MOCOS: variants seen among roughly 807,000 people sequenced by gnomAD.
The protein encoded by MOCOS is human molybdenum cofactor sulfurase.
Under a neutral mutation model 83.6 loss-of-function variants are expected in MOCOS, and 86 were observed. The observed-to-expected ratio is 1.03, with a 90% CI of 0.86 to 1.23. MOCOS has a LOEUF of 1.23. Ranked by LOEUF, MOCOS falls within the 50% of genes most tolerant of loss-of-function variation. The pLI is 0.00. For synonymous variants in MOCOS, 445 were observed against 434.7 expected, an observed-to-expected ratio of 1.02 and a Z score of -0.29; for missense variants, 1,120 against 1,126.9, an observed-to-expected ratio of 0.99 and a Z score of 0.09.
Position 36,271,392 on chromosome 18 carries a change from A to AT in MOCOS, c.*2713dup, listed in dbSNP as rs1188600643. On this transcript the variant is annotated 3_prime_UTR_variant, in exon 15 of 15. Coordinates refer to ENST00000261326, the MANE Select transcript of MOCOS (RefSeq NM_017947.4). ...TTAATTTAAAATGAATTTTAAATGC[A>AT]TTTTTTCTTTAGTGTCTACCTTCAA... The AT allele has an allele frequency of 6.6e-6, 1 of 151,996 alleles. No individual in the cohort carries two copies. Among genetic ancestry groups the AT allele is most frequent in the African/African-American group, 2.4e-5 (1 of 41,384 alleles). The allele number at this position is 151,996 out of a possible 1,614,324, so 9.4% of individuals were successfully genotyped here. A position where few individuals can be genotyped will look rare whatever the true frequency, so the allele number is the denominator to read the frequency against.
chr18:36,195,149 C>T, intron 1 of MOCOS, 108 bp from the exon 2 acceptor site: 6 of 906,246 alleles, frequency 6.6e-6, no homozygotes, highest in South Asian at 1.3e-5. Flanking sequence ...TCAAGAGGCA[C>T]AAGTCAGTGG....
In MOCOS at chr18:36,215,642, A is replaced by G. The variant is rs1228997842; in HGVS notation, c.1462A>G (p.Thr488Ala). The G allele has an allele frequency of 6.2e-7, 1 of 1,613,844 alleles. No individual in the cohort carries two copies. The highest frequency in any genetic ancestry group is 1.3e-5 in the African/African-American group (1 of 74,858). The change falls in exon 8 of 15, where the codon ACT (threonine) becomes GCT (alanine). Residue 488 changes from threonine to alanine, a missense_variant. Thr to Ala is a moderately conservative substitution (Grantham distance 58). Coordinates refer to ENST00000261326, the MANE Select transcript of MOCOS (RefSeq NM_017947.4). ...VQAFLRFIIDTRLHSSGDWPV... is the reference protein window; with the variant it reads ...VQAFLRFIIDARLHSSGDWPV... ...GGCCTTTCTTAGGTTCATCATAGACACTCGCCTGCACTCATCAGGGGACTG... is the reference window on the plus strand; with the variant it reads ...GGCCTTTCTTAGGTTCATCATAGACGCTCGCCTGCACTCATCAGGGGACTG...
intron 11 of MOCOS, among the ~76,000 whole-genome samples, chr18:36,252,984 G>T (rs1164207363): frequency 6.6e-6 from 1 of 152,192 alleles, no homozygotes; most frequent in Non-Finnish European, 1.5e-5. Flanking sequence ...GGTGGTTGGG[G>T]TATGGATAAG....
chr18:36,218,339 T>C (rs1469615473), intron 8 of MOCOS, among the ~76,000 whole-genome samples: 1 of 152,046 alleles, frequency 6.6e-6, no homozygotes, highest in African/African-American at 2.4e-5. Context: ...TTTATGGCTT[T>C]TTTTTTTTCT....
At position 36,271,813 on chromosome 18, in the gene MOCOS, TC is replaced by T. The variant is rs2091700073; in HGVS notation, c.*3132del. ...TTCTCCCCATTGAGAGTCAGCCTCA[TC>T]CCCTCCTCAGCCTTGTGGATGGAGA... On this transcript the variant is annotated 3_prime_UTR_variant, in exon 15 of 15. Coordinates refer to ENST00000261326, the MANE Select transcript of MOCOS (RefSeq NM_017947.4). 1 of 152,190 alleles carries T rather than the reference TC, an allele frequency of 6.6e-6. No homozygotes were observed. Among genetic ancestry groups the T allele is most frequent in the South Asian group, 2.1e-4 (1 of 4,820 alleles). 9.4% of individuals were successfully genotyped at this position (152,190 alleles called of 1,614,324 possible). A position where few individuals can be genotyped will look rare whatever the true frequency, so the allele number is the denominator to read the frequency against.
chr18:36,224,076 G>T (rs2091506739), intron 9 of MOCOS, among the ~76,000 whole-genome samples: 1 of 152,070 alleles, frequency 6.6e-6, no homozygotes, highest in African/African-American at 2.4e-5. Context: ...TTCCTTTTCA[G>T]AGAGTTTGTT....
At position 36,187,592 on chromosome 18, in the gene MOCOS, C is replaced by T; in HGVS notation, c.53C>T (p.Ser18Phe). ...CGGGAGCTGTGGACCTTCGCGGGTT[C>T]CCGGGACCCGAGCGCACCGCGGCTA... The part of the protein sequence containing the change: ...SGRELWTFAG[S>F]RDPSAPRLAY... Residue 18 changes from serine (S) to phenylalanine (F), a missense_variant, in exon 1 of 15, where the codon TCC (serine) becomes TTC (phenylalanine). Ser to Phe is a radical substitution (Grantham distance 155). Transcript: ENST00000261326. The T allele has an allele frequency of 4.0e-6, 5 of 1,248,198 alleles. No homozygotes were observed. The highest frequency in any genetic ancestry group is 4.0e-6 in the Non-Finnish European group (4 of 995,964). 77.3% of individuals were successfully genotyped at this position (1,248,198 alleles called of 1,614,324 possible).
At chr18:36,241,728 T>C (rs1726657973) in intron 9 of MOCOS, among the ~76,000 whole-genome samples, 1 of 152,244 alleles carries the variant, frequency 6.6e-6, no homozygotes, top group Non-Finnish European at 1.5e-5. Flanking sequence ...TCTGTCTGGA[T>C]ATCCAGGCAT....
intron 4 of MOCOS, among the ~76,000 whole-genome samples, chr18:36,202,742 T>C (rs1412930249): frequency 6.6e-6 from 1 of 152,194 alleles, no homozygotes; most frequent in South Asian, 2.1e-4. Flanking sequence ...TCTGCATTGC[T>C]GGAGAGGCCT....
intron 6 of MOCOS, among the ~76,000 whole-genome samples, chr18:36,210,878 A>AAAAAAAAAAAAATAAAAAC: frequency 7.3e-6 from 1 of 136,456 alleles, no homozygotes; most frequent in East Asian, 2.1e-4. Context: ...AAAAAAAAAA[A>AAAAAAAAAAAAATAAAAAC]AAGTAACTGT....
chr18:36,213,550 T>A (rs1207961672), intron 7 of MOCOS, 68 bp downstream of exon 7: 39 of 1,253,378 alleles, frequency 3.1e-5, no homozygotes, highest in Non-Finnish European at 4.3e-5. Flanking sequence ...GCTGCCTGTG[T>A]GTCTGGGGTG....
Position 36,198,880 on chromosome 18 carries a change from C to T in MOCOS, c.299+124C>T, listed in dbSNP as rs986565529. The T allele has an allele frequency of 5.2e-6, 5 of 965,168 alleles. No homozygotes were observed. The Admixed American group carries it at 7.7e-5, about 15-fold the overall frequency. The allele number at this position is 965,168 out of a possible 1,614,324, so 59.8% of individuals were successfully genotyped here. A position where few individuals can be genotyped will look rare whatever the true frequency, so the allele number is the denominator to read the frequency against. ...AGGAGGATCACAGTTGGCTAAAAGG[C>T]AATGCATGTATGTTGAGAAACATCA... On this transcript the variant is annotated intron_variant, in intron 3 of 14. Transcript: ENST00000261326.
In MOCOS at chr18:36,195,711, G is replaced by A. The variant is rs747033011; in HGVS notation, c.232+365G>A. ...CATTCACTCTATAACTGTTCATTGA[G>A]CCACTATGATGTGTGGGGGACAGTG... is the stretch of plus-strand genomic sequence containing the variant. On this transcript the variant is annotated intron_variant, in intron 2 of 14. Coordinates refer to ENST00000261326, the MANE Select transcript of MOCOS (RefSeq NM_017947.4). Among the ~76,000 whole-genome samples, 7 of 152,220 alleles carry A rather than the reference G, an allele frequency of 4.6e-5. No individual in the cohort carries two copies. The East Asian group carries it at 5.8e-4, about 13-fold the overall frequency.
intron 13 of MOCOS, among the ~76,000 whole-genome samples, chr18:36,262,530 A>T (rs577165610): frequency 5.3e-5 from 8 of 152,090 alleles, no homozygotes; most frequent in Non-Finnish European, 1.0e-4. Context: ...ACAGGGTCTT[A>T]CTCTGTTGTC....
At chr18:36,237,885 A>G (rs540464058) in intron 9 of MOCOS, among the ~76,000 whole-genome samples, 16 of 150,914 alleles carry the variant, frequency 1.1e-4, no homozygotes, top group African/African-American at 3.9e-4. Flanking sequence ...CAAGGAATTT[A>G]TCCATTTCTT....
intron 1 of MOCOS, among the ~76,000 whole-genome samples, chr18:36,193,468 T>C (rs1014711079): frequency 3.3e-5 from 5 of 151,208 alleles, no homozygotes; most frequent in African/African-American, 1.2e-4. Flanking sequence ...TTTCAACAGA[T>C]ACCAAGACTA....
chr18:36,242,620 C>T (rs1053041473), intron 9 of MOCOS, among the ~76,000 whole-genome samples: 6 of 152,176 alleles, frequency 3.9e-5, no homozygotes, highest in Non-Finnish European at 8.8e-5. Context: ...ATAAAGGAAG[C>T]AGTTTAATTG....
At chr18:36,219,135 G>A (rs1165640763) in intron 8 of MOCOS, among the ~76,000 whole-genome samples, 1 of 150,722 alleles carries the variant, frequency 6.6e-6, no homozygotes, top group African/African-American at 2.4e-5. Flanking sequence ...CCAAAGTGCT[G>A]GGATTATAGG....
At chr18:36,189,546 T>A (rs961853817) in intron 1 of MOCOS, among the ~76,000 whole-genome samples, 1 of 152,198 alleles carries the variant, frequency 6.6e-6, no homozygotes, top group Non-Finnish European at 1.5e-5. Context: ...TTACTCTGGT[T>A]AAGTGGTGGC....
Sources: gnomAD v4.1 joint callset for allele counts (sites outside exome capture counted in the v4.1 genomes callset) on GRCh38, gnomAD v4.1.1 for gene constraint, MANE v1.5 for transcripts, NCBI Gene and HGNC (gene_info 2026-07-23, HGNC 2026-07-21) for gene names.